The following TYW1 variants were observed in gnomAD, a reference collection of about 807,000 sequenced individuals.
The protein encoded by TYW1 is tRNA-yW synthesizing protein 1 homolog, also known as S-adenosyl-L-methionine-dependent tRNA 4-demethylwyosine synthase TYW1.
A neutral mutation model predicts 96.2 loss-of-function variants in TYW1; 46 were observed. The observed-to-expected ratio is 0.48, with a 90% CI of 0.38 to 0.61. The LOEUF is 0.61. Among genes scored for constraint, TYW1 ranks in the 20% least tolerant of loss-of-function variants. The pLI, the probability that TYW1 is intolerant of heterozygous loss-of-function variation, is 0.00. For synonymous variants in TYW1, 274 were observed against 323.0 expected (o/e 0.85, Z 1.63); for missense variants, 684 against 909.6 (o/e 0.75, Z 3.19).
At position 67,238,881 on chromosome 7, in the gene TYW1, A is replaced by G; in HGVS notation, c.*352A>G. 1 of 1,090,924 alleles carries G rather than the reference A, an allele frequency of 9.2e-7. No homozygotes were observed. Among genetic ancestry groups the G allele is most frequent in the Non-Finnish European group, 1.1e-6 (1 of 893,082 alleles). 67.6% of individuals were successfully genotyped at this position (1,090,924 alleles called of 1,614,324 possible). A position where few individuals can be genotyped will look rare whatever the true frequency, so the allele number is the denominator to read the frequency against. The stretch of plus-strand genomic sequence containing the variant: ...TCCCGAGAGTGTCAGACAAGGAAGA[A>G]GTCCCTGGGCCTCTTCCCCTTACCC... On this transcript the variant is annotated 3_prime_UTR_variant, in exon 16 of 16. Transcript: ENST00000359626.
chr7:67,015,341 A>T lies in TYW1; in HGVS notation c.570+780A>T, dbSNP rs546004605. 3.5e-3 allele frequency among the ~76,000 whole-genome samples: 535 copies of T among 151,658 alleles called. 1 individual carries two copies. Among genetic ancestry groups the T allele is most frequent in the Non-Finnish European group, 4.2e-3 (284 of 67,892 alleles). On this transcript the variant is annotated intron_variant, in intron 5 of 15. Coordinates refer to ENST00000359626, the MANE Select transcript of TYW1 (RefSeq NM_018264.4). Reference sequence around the variant, plus strand: ...TTATGCAGGTGAACTCTTAAAAAAAATTTTTTTTTAAAATTATGTTTATTT... The same window carrying T: ...TTATGCAGGTGAACTCTTAAAAAAATTTTTTTTTTAAAATTATGTTTATTT...
At chr7:67,083,605 G>T in intron 11 of TYW1, 66 bp downstream of exon 11, 1 of 1,522,844 alleles carries the variant, frequency 6.6e-7, no homozygotes, top group Non-Finnish European at 8.9e-7. Flanking sequence ...ATTGGCAGAA[G>T]AATTGCCTCT....
chr7:66,997,367 A>G (rs1793207674), intron 1 of TYW1, among the ~76,000 whole-genome samples: 1 of 152,148 alleles, frequency 6.6e-6, no homozygotes, highest in Non-Finnish European at 1.5e-5. Flanking sequence ...AGAATCTTTT[A>G]CAAGTTTAAC....
Position 67,068,180 on chromosome 7 carries a change from C to T in TYW1, c.1274+777C>T, listed in dbSNP as rs181339958. ...GGGACTACAGGTGCGCACCACCATGCCCAGCTAATTTTTGTATTTTTAGTA... is the reference window on the plus strand; with the variant it reads ...GGGACTACAGGTGCGCACCACCATGTCCAGCTAATTTTTGTATTTTTAGTA... On this transcript the variant is annotated intron_variant, in intron 10 of 15. Coordinates refer to ENST00000359626, the MANE Select transcript of TYW1 (RefSeq NM_018264.4). Among the ~76,000 whole-genome samples, 535 of 152,182 alleles carry T rather than the reference C, an allele frequency of 3.5e-3. 7 individuals carry two copies. The highest frequency in any genetic ancestry group is 3.0e-3 in the Admixed American group (46 of 15,286).
chr7:67,093,065 G>T lies in TYW1; in HGVS notation c.1385-5476G>T, dbSNP rs1003949307. Among the ~76,000 whole-genome samples the T allele has an allele frequency of 3.9e-5, 6 of 152,250 alleles. 1 individual carries two copies. In the East Asian group the frequency reaches 1.2e-3, roughly 29 times the overall value. On this transcript the variant is annotated intron_variant, in intron 11 of 15. Coordinates refer to ENST00000359626, the MANE Select transcript of TYW1 (RefSeq NM_018264.4). ...GCCTGTGGTCCTAGCACCTGAGGAG[G>T]CAGAGGTGGGAGGGTCACCTGAGCC...
intron 15 of TYW1, among the ~76,000 whole-genome samples, chr7:67,222,919 T>C (rs1415947243): frequency 6.6e-6 from 1 of 151,750 alleles, no homozygotes; most frequent in Non-Finnish European, 1.5e-5. Context: ...ATTGTCCTGT[T>C]TTCAGGTTCA....
At chr7:67,041,135 G>A (rs1562980252) in intron 7 of TYW1, among the ~76,000 whole-genome samples, 2 of 151,922 alleles carry the variant, frequency 1.3e-5, no homozygotes, top group Non-Finnish European at 2.9e-5. Flanking sequence ...CCCAATTTTG[G>A]TATGACACAA....
At chr7:67,120,478 G>C (rs547571355) in intron 13 of TYW1, among the ~76,000 whole-genome samples, 12 of 152,236 alleles carry the variant, frequency 7.9e-5, no homozygotes, top group Admixed American at 7.9e-4. Context: ...ATCTTTGTGG[G>C]TTTCTTTTGC....
At chr7:67,063,248 T>G (rs1795751224) in intron 9 of TYW1, among the ~76,000 whole-genome samples, 1 of 152,194 alleles carries the variant, frequency 6.6e-6, no homozygotes, top group Admixed American at 6.5e-5. Context: ...TAACCCTTCA[T>G]CATTAAAAAC....
In TYW1 at chr7:67,014,653, A is replaced by G. The variant is rs568005458; in HGVS notation, c.570+92A>G. 72 of 1,379,250 alleles carry G rather than the reference A, an allele frequency of 5.2e-5. No individual in the cohort carries two copies. In the East Asian group the frequency reaches 1.6e-3, roughly 31 times the overall value. The allele number at this position is 1,379,250 out of a possible 1,614,324, so 85.4% of individuals were successfully genotyped here. ...AACACACACACGTGCACACACGCACACACACATAAACACACATGTATGTGA... is the reference window on the plus strand; with the variant it reads ...AACACACACACGTGCACACACGCACGCACACATAAACACACATGTATGTGA... On this transcript the variant is annotated intron_variant, in intron 5 of 15. Coordinates refer to ENST00000359626, the MANE Select transcript of TYW1 (RefSeq NM_018264.4).
Position 67,007,664 on chromosome 7 carries a change from G to A in TYW1, c.274-1919G>A, listed in dbSNP as rs546388010. Among the ~76,000 whole-genome samples the A allele has an allele frequency of 2.3e-3, 343 of 151,904 alleles. 3 individuals are homozygous for A. Among genetic ancestry groups the A allele is most frequent in the African/African-American group, 7.6e-3 (316 of 41,434 alleles). The stretch of plus-strand genomic sequence containing the variant: ...CTCTTTTTTTTTGAGATGGAGTCTC[G>A]CTCTGTCGTCCAGGCTGGAGTGCAG... On this transcript the variant is annotated intron_variant, in intron 3 of 15. Transcript: ENST00000359626.
At chr7:67,000,406 C>A (rs1793345317) in intron 3 of TYW1, among the ~76,000 whole-genome samples, 1 of 152,096 alleles carries the variant, frequency 6.6e-6, no homozygotes, top group African/African-American at 2.4e-5. Context: ...TCGAGCAATT[C>A]TCCTGCCTCA....
At chr7:67,101,874 A>G (rs1209154309) in intron 12 of TYW1, among the ~76,000 whole-genome samples, 10 of 152,232 alleles carry the variant, frequency 6.6e-5, no homozygotes, top group Non-Finnish European at 2.9e-5. Context: ...AAATCAGTGT[A>G]TTGTCATAAA....
At chr7:67,202,790 C>G (rs182900466) in intron 15 of TYW1, among the ~76,000 whole-genome samples, 1 of 152,098 alleles carries the variant, frequency 6.6e-6, no homozygotes. Context: ...ATTCTTACAC[C>G]AAGACAGCCA....
intron 10 of TYW1, among the ~76,000 whole-genome samples, chr7:67,082,398 C>T (rs533607562): frequency 2.0e-5 from 3 of 152,248 alleles, no homozygotes; most frequent in South Asian, 4.1e-4. Flanking sequence ...TGGCCATAAT[C>T]GGTGCCTGTG....
chr7:67,092,016 G>T (rs1184120278), intron 11 of TYW1, among the ~76,000 whole-genome samples: 2 of 152,136 alleles, frequency 1.3e-5, no homozygotes, highest in African/African-American at 4.8e-5. Flanking sequence ...CCTCTCCCCA[G>T]AACTGTGAGT....
chr7:67,099,761 G>T (rs13309068), intron 12 of TYW1, among the ~76,000 whole-genome samples: 1 of 152,196 alleles, frequency 6.6e-6, no homozygotes, highest in Non-Finnish European at 1.5e-5. Context: ...CCAGCACTTT[G>T]GGAGACTGAG....
At chr7:67,160,646 C>CA (rs1286038346) in intron 13 of TYW1, among the ~76,000 whole-genome samples, 2 of 149,606 alleles carry the variant, frequency 1.3e-5, no homozygotes, top group African/African-American at 5.0e-5. Flanking sequence ...GGCTGGAGTG[C>CA]AGTGATGCGA....
At chr7:67,192,934 G>A (rs765778689) in intron 14 of TYW1, among the ~76,000 whole-genome samples, 5 of 152,174 alleles carry the variant, frequency 3.3e-5, no homozygotes, top group African/African-American at 4.8e-5. Flanking sequence ...TCGGACACGC[G>A]CAGTTGTCTG....
Sources: allele counts gnomAD v4.1 joint callset (sites outside exome capture counted in the v4.1 genomes callset), GRCh38; gene constraint gnomAD v4.1.1; transcripts MANE v1.5; gene names NCBI Gene and HGNC (gene_info 2026-07-23, HGNC 2026-07-21).